PRKG1: variants seen among roughly 807,000 people sequenced by gnomAD.
The protein encoded by PRKG1 is protein kinase cGMP-dependent 1, also known as cGMP-dependent protein kinase 1.
A neutral mutation model predicts 88.1 loss-of-function variants in PRKG1; 35 were observed. The observed-to-expected ratio is 0.40, with a 90% CI of 0.30 to 0.53. PRKG1 has a LOEUF of 0.53. Among genes scored for constraint, PRKG1 ranks in the 20% least tolerant of loss-of-function variants. The pLI is 0.59. For synonymous variants in PRKG1, 303 were observed against 292.5 expected (o/e 1.04, Z -0.37); for missense variants, 540 against 839.8 (o/e 0.64, Z 4.41).
intron 9 of PRKG1, among the ~76,000 whole-genome samples, chr10:52,224,744 A>T (rs1052892961): frequency 6.8e-6 from 1 of 147,188 alleles, no homozygotes; most frequent in Admixed American, 6.8e-5. Context: ...ATAGCCTCCA[A>T]TCTCATCCAG....
At chr10:51,513,107 T>G (rs539284878) in intron 3 of PRKG1, among the ~76,000 whole-genome samples, 1 of 152,056 alleles carries the variant, frequency 6.6e-6, no homozygotes, top group South Asian at 2.1e-4. Context: ...CCCCATCTCA[T>G]GTGCAGAGAC....
In PRKG1 at chr10:51,030,201, TG is replaced by T. The variant is rs577101107; in HGVS notation, c.266+38558del. Among the ~76,000 whole-genome samples, 996 of 151,760 alleles carry T rather than the reference TG, an allele frequency of 6.6e-3. 9 individuals carry two copies. Among genetic ancestry groups the T allele is most frequent in the Non-Finnish European group, 0.01 (709 of 67,918 alleles). On this transcript the variant is annotated intron_variant, in intron 1 of 17. Transcript: ENST00000401604. ...AATAAATACCAATGACTATATTTAC[TG>T]TTTTTTTTCATAATAAGCCTTTTGA...
intron 5 of PRKG1, among the ~76,000 whole-genome samples, chr10:51,938,369 C>T (rs964213929): frequency 6.6e-6 from 1 of 151,930 alleles, no homozygotes; most frequent in Non-Finnish European, 1.5e-5. Context: ...GTACTATCTG[C>T]AAGTTTTAGA....
chr10:51,801,757 A>G (rs922225361), intron 3 of PRKG1, among the ~76,000 whole-genome samples: 4 of 152,046 alleles, frequency 2.6e-5, no homozygotes, highest in African/African-American at 9.7e-5. Context: ...ATGAAGGCCA[A>G]CTGTTTCATG....
intron 7 of PRKG1, among the ~76,000 whole-genome samples, chr10:52,111,899 A>T (rs1360779199): frequency 1.3e-5 from 2 of 152,192 alleles, no homozygotes; most frequent in South Asian, 4.1e-4. Context: ...ACTACTTAAC[A>T]TTAGCAGAGG....
At chr10:51,412,802 T>G (rs1838132800) in intron 2 of PRKG1, among the ~76,000 whole-genome samples, 1 of 152,174 alleles carries the variant, frequency 6.6e-6, no homozygotes, top group Admixed American at 6.6e-5. Flanking sequence ...CCAGTTCCCC[T>G]GTGCTGATTC....
At chr10:51,524,719 A>C (rs907828184) in intron 3 of PRKG1, among the ~76,000 whole-genome samples, 17 of 152,212 alleles carry the variant, frequency 1.1e-4, no homozygotes, top group African/African-American at 4.1e-4. Flanking sequence ...GTGATGTATA[A>C]ACATTTGTAG....
intron 7 of PRKG1, among the ~76,000 whole-genome samples, chr10:52,099,205 T>TC (rs989396453): frequency 2.0e-5 from 3 of 151,576 alleles, no homozygotes; most frequent in Non-Finnish European, 2.9e-5. Context: ...AATCTCATTT[T>TC]TTTATTGGCT....
At chr10:51,291,360 TTCTCTGTCTCTGGGCCCCACTCGGA>T (rs1259050073) in intron 2 of PRKG1, among the ~76,000 whole-genome samples, 2 of 152,178 alleles carry the variant, frequency 1.3e-5, no homozygotes, top group African/African-American at 4.8e-5. Context: ...AGGAAGTAGT[TTCTCTGTCTCTGGGCCCCACTCGGA>T]TCTTCTTTTC....
intron 1 of PRKG1, among the ~76,000 whole-genome samples, chr10:51,009,348 A>C (rs1165386557): frequency 2.6e-5 from 4 of 152,348 alleles, no homozygotes; most frequent in Non-Finnish European, 5.9e-5. Flanking sequence ...TTTAGGGATA[A>C]ACTATTTTTA....
At chr10:52,127,172 A>G (rs1226487017) in intron 7 of PRKG1, among the ~76,000 whole-genome samples, 1 of 152,136 alleles carries the variant, frequency 6.6e-6, no homozygotes, top group Non-Finnish European at 1.5e-5. Context: ...GACCAAATAT[A>G]CACAAGAGAG....
rs183818012 is a variant in PRKG1, at chr10:51,613,962, C to T, written c.592+146126C>T. On this transcript the variant is annotated intron_variant, in intron 3 of 17. Coordinates refer to ENST00000373980, the MANE Select transcript of PRKG1 (RefSeq NM_006258.4). Reference sequence around the variant, plus strand: ...TGTGTTCATGAGAAGAATGTGTATTCTGCAGTTGTTGGATAAAATGTTCTG... The same window carrying T: ...TGTGTTCATGAGAAGAATGTGTATTTTGCAGTTGTTGGATAAAATGTTCTG... Among the ~76,000 whole-genome samples, 55 of 152,028 alleles carry T rather than the reference C, an allele frequency of 3.6e-4. 1 individual carries two copies. The highest frequency in any genetic ancestry group is 6.0e-4 in the Non-Finnish European group (41 of 67,852).
chr10:52,245,063 C>T (rs1246790727), intron 9 of PRKG1, among the ~76,000 whole-genome samples: 1 of 150,450 alleles, frequency 6.6e-6, no homozygotes, highest in East Asian at 1.9e-4. Flanking sequence ...AGTCAATACA[C>T]TAAGCTTTAT....
chr10:51,109,875 G>C (rs1253254233), intron 1 of PRKG1, among the ~76,000 whole-genome samples: 4 of 151,940 alleles, frequency 2.6e-5, no homozygotes, highest in African/African-American at 9.7e-5. Context: ...AATATGAAAA[G>C]AACCTCAAAA....
intron 3 of PRKG1, among the ~76,000 whole-genome samples, chr10:51,538,789 A>T (rs1842228767): frequency 6.6e-6 from 1 of 152,216 alleles, no homozygotes; most frequent in African/African-American, 2.4e-5. Flanking sequence ...CCATTAAATA[A>T]TTTCCAAATT....
chr10:51,044,878 A>G (rs1462981237), intron 1 of PRKG1, among the ~76,000 whole-genome samples: 1 of 152,216 alleles, frequency 6.6e-6, no homozygotes, highest in African/African-American at 2.4e-5. Context: ...GTGTTTTATC[A>G]TGATGCCTTT....
At chr10:51,791,105 C>T (rs60719622) in intron 3 of PRKG1, among the ~76,000 whole-genome samples, 1 of 152,264 alleles carries the variant, frequency 6.6e-6, no homozygotes, top group African/African-American at 2.4e-5. Context: ...ATCAGAAACA[C>T]TATCTGGTCG....
intron 2 of PRKG1, among the ~76,000 whole-genome samples, chr10:51,209,251 G>A (rs1285847150): frequency 6.6e-6 from 1 of 152,078 alleles, no homozygotes; most frequent in Non-Finnish European, 1.5e-5. Flanking sequence ...TCCTTTATTG[G>A]TGTAAGAGTG....
intron 2 of PRKG1, among the ~76,000 whole-genome samples, chr10:51,340,964 A>C (rs1841991550): frequency 6.6e-6 from 1 of 152,184 alleles, no homozygotes; most frequent in South Asian, 2.1e-4. Flanking sequence ...GATAGAAAAA[A>C]ATCCTCCTCA....
Sources: allele counts gnomAD v4.1 joint callset (sites outside exome capture counted in the v4.1 genomes callset), GRCh38; gene constraint gnomAD v4.1.1; transcripts MANE v1.5; gene names NCBI Gene and HGNC (gene_info 2026-07-23, HGNC 2026-07-21).